The following FBXW7 variants were observed in gnomAD, a reference collection of about 807,000 sequenced individuals.
FBXW7 encodes the protein F-box and WD repeat domain containing 7, also known as F-box/WD repeat-containing protein 7.
Under a neutral mutation model 86.3 loss-of-function variants are expected in FBXW7, and 11 were observed. The ratio of observed to expected loss-of-function variants is 0.13; its 90% CI spans 0.08 to 0.21. FBXW7 has a LOEUF of 0.21. Ranked by LOEUF, FBXW7 falls within the 10% of genes least tolerant of loss-of-function variation. The probability of loss-of-function intolerance (pLI) is 1.00; values close to 1 mark genes in which losing one functional copy is unlikely to be tolerated. For missense variants in FBXW7, 488 were observed against 847.4 expected (o/e 0.58, Z 5.27); for synonymous variants, 313 against 297.9 (o/e 1.05, Z -0.52).
chr4:152,409,454 A>G (rs1452295152), intron 4 of FBXW7, among the ~76,000 whole-genome samples: 1 of 152,090 alleles, frequency 6.6e-6, no homozygotes, highest in African/African-American at 2.4e-5. Context: ...GAATACTGAC[A>G]TTTTCTTTTT....
At chr4:152,519,839 A>G (rs1748842060) in intron 2 of FBXW7, among the ~76,000 whole-genome samples, 1 of 152,236 alleles carries the variant, frequency 6.6e-6, no homozygotes, top group Non-Finnish European at 1.5e-5. Context: ...TAGACCATGG[A>G]GTATGACAGA....
chr4:152,466,943 A>AAAT (rs199581983), intron 2 of FBXW7, among the ~76,000 whole-genome samples: 31 of 152,040 alleles, frequency 2.0e-4, no homozygotes, highest in African/African-American at 6.8e-4. Context: ...TTCCGTCTCA[A>AAAT]AATAATAATA....
chr4:152,476,936 A>G (rs992825922), intron 2 of FBXW7, among the ~76,000 whole-genome samples: 6 of 152,076 alleles, frequency 3.9e-5, no homozygotes, highest in African/African-American at 7.2e-5. Context: ...ATACACTACT[A>G]TTCAGATTCT....
chr4:152,420,085 A>G (rs1738809181), intron 2 of FBXW7, among the ~76,000 whole-genome samples: 1 of 152,160 alleles, frequency 6.6e-6, no homozygotes, highest in African/African-American at 2.4e-5. Flanking sequence ...GATTGGAGGC[A>G]ATCCTCCCAA....
intron 2 of FBXW7, among the ~76,000 whole-genome samples, chr4:152,453,326 C>G (rs1742086052): frequency 1.3e-5 from 2 of 152,186 alleles, no homozygotes; most frequent in South Asian, 4.1e-4. Context: ...GTAAATCCCA[C>G]AGAGTGAATT....
intron 2 of FBXW7, among the ~76,000 whole-genome samples, chr4:152,467,892 T>C (rs1743600092): frequency 6.6e-6 from 1 of 151,926 alleles, no homozygotes; most frequent in South Asian, 2.1e-4. Flanking sequence ...TAGGAGAAAA[T>C]ATTTGCAAAT....
chr4:152,469,865 G>A (rs1467209422), intron 2 of FBXW7, among the ~76,000 whole-genome samples: 1 of 152,026 alleles, frequency 6.6e-6, no homozygotes, highest in Non-Finnish European at 1.5e-5. Flanking sequence ...ACTCACTATT[G>A]TAAATGTCAT....
At chr4:152,401,789 T>C (rs563247158) in intron 4 of FBXW7, among the ~76,000 whole-genome samples, 1 of 152,286 alleles carries the variant, frequency 6.6e-6, no homozygotes, top group South Asian at 2.1e-4. Flanking sequence ...ATATGGGAAC[T>C]CTCTAGGCCT....
intron 4 of FBXW7, among the ~76,000 whole-genome samples, chr4:152,382,731 C>G (rs966205155): frequency 3.3e-5 from 5 of 152,000 alleles, no homozygotes; most frequent in African/African-American, 1.2e-4. Context: ...TAAATTTTTA[C>G]TTACAAAAAT....
chr4:152,527,724 G>C (rs892051465), intron 2 of FBXW7, among the ~76,000 whole-genome samples: 2 of 152,166 alleles, frequency 1.3e-5, no homozygotes, highest in African/African-American at 4.8e-5. Context: ...CGGCTGCAGT[G>C]AGCAAGGATC....
At chr4:152,380,872 T>C (rs1301756234) in intron 4 of FBXW7, among the ~76,000 whole-genome samples, 1 of 152,042 alleles carries the variant, frequency 6.6e-6, no homozygotes, top group Non-Finnish European at 1.5e-5. Flanking sequence ...TATAAGATAA[T>C]AAATTAGTTT....
intron 2 of FBXW7, among the ~76,000 whole-genome samples, chr4:152,495,547 T>C (rs933926451): frequency 6.6e-6 from 1 of 152,168 alleles, no homozygotes; most frequent in African/African-American, 2.4e-5. Flanking sequence ...ATTAAAAATA[T>C]ATATATTAGG....
intron 2 of FBXW7, among the ~76,000 whole-genome samples, chr4:152,522,196 T>C (rs1749086116): frequency 6.6e-6 from 1 of 152,170 alleles, no homozygotes; most frequent in East Asian, 1.9e-4. Flanking sequence ...GAATACACAC[T>C]ACGGCACTCA....
chr4:152,475,018 C>T (rs1489251350), intron 2 of FBXW7, among the ~76,000 whole-genome samples: 1 of 152,010 alleles, frequency 6.6e-6, no homozygotes, highest in African/African-American at 2.4e-5. Flanking sequence ...GGGAGAATCA[C>T]TTGAACCCAG....
intron 2 of FBXW7, among the ~76,000 whole-genome samples, chr4:152,475,869 AT>A (rs1744350561): frequency 1.3e-5 from 2 of 152,202 alleles, no homozygotes; most frequent in Non-Finnish European, 2.9e-5. Context: ...AAATAACTAT[AT>A]TCATGGATTG....
intron 2 of FBXW7, among the ~76,000 whole-genome samples, chr4:152,458,615 T>G (rs1306054242): frequency 1.3e-5 from 2 of 152,214 alleles, no homozygotes; most frequent in Non-Finnish European, 2.9e-5. Context: ...CATTTGCACA[T>G]TTAAAAATGA....
chr4:152,461,408 TA>T (rs1178670499), intron 2 of FBXW7, among the ~76,000 whole-genome samples: 2 of 152,252 alleles, frequency 1.3e-5, no homozygotes, highest in Non-Finnish European at 2.9e-5. Context: ...TTATTGGCAT[TA>T]TTTTTTATTG....
At chr4:152,466,554 CA>C (rs201136250) in intron 2 of FBXW7, among the ~76,000 whole-genome samples, 2,255 of 102,422 alleles carry the variant, frequency 0.022, 21 homozygotes, top group Middle Eastern at 0.061. Flanking sequence ...GACTCCATTT[CA>C]AAAAAAAAAA....
intron 2 of FBXW7, among the ~76,000 whole-genome samples, chr4:152,434,356 AG>A (rs1740187656): frequency 6.6e-6 from 1 of 152,268 alleles, no homozygotes; most frequent in Non-Finnish European, 1.5e-5. Context: ...GTAATAAAGT[AG>A]AAGTAGTTTT....
Sources: allele counts gnomAD v4.1 joint callset (sites outside exome capture counted in the v4.1 genomes callset), GRCh38; gene constraint gnomAD v4.1.1; transcripts MANE v1.5; gene names NCBI Gene and HGNC (gene_info 2026-07-23, HGNC 2026-07-21).